NUDT3: variants seen among roughly 807,000 people sequenced by gnomAD.
NUDT3 encodes the protein diphosphoinositol polyphosphate phosphohydrolase 1.
A neutral mutation model predicts 23.6 loss-of-function variants in NUDT3; 9 were observed. The observed-to-expected ratio is 0.38, with a 90% CI of 0.23 to 0.66. The LOEUF is 0.66. NUDT3 is among the 30% of genes least tolerant of loss of function. The probability of loss-of-function intolerance (pLI) is 0.52; values close to 1 mark genes in which losing one functional copy is unlikely to be tolerated. For synonymous variants in NUDT3, 86 were observed against 82.6 expected, an observed-to-expected ratio of 1.04 and a Z score of -0.22; for missense variants, 172 against 218.5, an observed-to-expected ratio of 0.79 and a Z score of 1.34.
At chr6:34,356,150 A>T (rs1035217534) in intron 1 of NUDT3, among the ~76,000 whole-genome samples, 1 of 152,184 alleles carries the variant, frequency 6.6e-6, no homozygotes, top group African/African-American at 2.4e-5. Context: ...GGCCCTGGAA[A>T]GAAAGGATAA....
chr6:34,337,649 G>A (rs1476198961), intron 2 of NUDT3, among the ~76,000 whole-genome samples: 1 of 152,066 alleles, frequency 6.6e-6, no homozygotes, highest in Admixed American at 6.5e-5. Context: ...ATAACCCAGG[G>A]ACAACTCAAC....
At chr6:34,308,713 A>T (rs1340774314) in intron 2 of NUDT3, among the ~76,000 whole-genome samples, 1 of 152,198 alleles carries the variant, frequency 6.6e-6, no homozygotes. Context: ...AACATTACAC[A>T]ATGATAAAGG....
At chr6:34,295,605 ACATAT>A (rs1581848468) in intron 3 of NUDT3, 31 bp downstream of exon 3, 2 of 1,609,796 alleles carry the variant, frequency 1.2e-6, no homozygotes, top group Non-Finnish European at 1.7e-6. Flanking sequence ...GGTTATTAAT[ACATAT>A]CATTTGTACC....
Position 34,279,716 on chromosome 6 carries a change from A to G in NUDT3, c.*9037T>C, listed in dbSNP as rs1162414257. ...ACTGGTTTTTATTGGTTGGCACAAG[A>G]TTACAACCTACAATTTCAATGCCCT... On this transcript the variant is annotated 3_prime_UTR_variant, in exon 5 of 5. Coordinates refer to ENST00000607016, the MANE Select transcript of NUDT3 (RefSeq NM_006703.4). 1 of 152,246 alleles carries G rather than the reference A, an allele frequency of 6.6e-6. No individual in the cohort carries two copies. Among genetic ancestry groups the G allele is most frequent in the Non-Finnish European group, 1.5e-5 (1 of 68,052 alleles). 9.4% of individuals were successfully genotyped at this position (152,246 alleles called of 1,614,324 possible). A position where few individuals can be genotyped will look rare whatever the true frequency, so the allele number is the denominator to read the frequency against.
chr6:34,389,963 CA>C (rs112723844), intron 1 of NUDT3, among the ~76,000 whole-genome samples: 28,499 of 128,094 alleles, frequency 0.22, 4,215 homozygotes, highest in East Asian at 0.45. Context: ...GACTCTGTCT[CA>C]AAAAAAAAAA....
At chr6:34,315,404 C>T (rs116688380) in intron 2 of NUDT3, among the ~76,000 whole-genome samples, 3 of 152,312 alleles carry the variant, frequency 2.0e-5, no homozygotes, top group Admixed American at 6.5e-5. Flanking sequence ...CAGAGATGAA[C>T]GGTTTATTTG....
intron 2 of NUDT3, among the ~76,000 whole-genome samples, chr6:34,328,454 CAT>C (rs1369526203): frequency 6.6e-6 from 1 of 152,128 alleles, no homozygotes; most frequent in Non-Finnish European, 1.5e-5. Flanking sequence ...AAAAATAATA[CAT>C]GTTCCTAGTA....
chr6:34,352,016 G>A (rs1001656493), intron 1 of NUDT3, among the ~76,000 whole-genome samples: 3 of 151,766 alleles, frequency 2.0e-5, no homozygotes, highest in African/African-American at 7.3e-5. Flanking sequence ...GCAACATGGC[G>A]AGGTCCTGTC....
At chr6:34,295,615 T>C (rs1472341181) in intron 3 of NUDT3, 26 bp downstream of exon 3, 1 of 1,613,020 alleles carries the variant, frequency 6.2e-7, no homozygotes, top group Non-Finnish European at 8.5e-7. Context: ...ACATATCATT[T>C]GTACCAAAGA....
intron 2 of NUDT3, among the ~76,000 whole-genome samples, chr6:34,333,878 C>T (rs550524829): frequency 2.0e-5 from 3 of 152,352 alleles, no homozygotes; most frequent in African/African-American, 7.2e-5. Context: ...CTAGGCAAAA[C>T]CAATCAGGTC....
At chr6:34,362,251 C>T (rs984523064) in intron 1 of NUDT3, among the ~76,000 whole-genome samples, 3 of 152,188 alleles carry the variant, frequency 2.0e-5, no homozygotes, top group Non-Finnish European at 2.9e-5. Context: ...TGCTCTGTAC[C>T]TCAGGCTAGA....
chr6:34,300,883 T>G (rs949743340), intron 2 of NUDT3, among the ~76,000 whole-genome samples: 2 of 152,234 alleles, frequency 1.3e-5, no homozygotes, highest in Non-Finnish European at 2.9e-5. Context: ...AAGAGACAAC[T>G]ACTCACCTGA....
chr6:34,329,220 A>C (rs1357725379), intron 2 of NUDT3, among the ~76,000 whole-genome samples: 2 of 152,238 alleles, frequency 1.3e-5, no homozygotes, highest in Non-Finnish European at 2.9e-5. Flanking sequence ...AGAGATATAC[A>C]TAAAAATACA....
At chr6:34,343,508 T>C (rs1764319791) in intron 1 of NUDT3, among the ~76,000 whole-genome samples, 1 of 151,066 alleles carries the variant, frequency 6.6e-6, no homozygotes, top group East Asian at 1.9e-4. Flanking sequence ...GCCACTGTAT[T>C]CCAGCCTAGG....
chr6:34,305,053 G>T (rs1337440545), intron 2 of NUDT3, among the ~76,000 whole-genome samples: 3 of 146,782 alleles, frequency 2.0e-5, no homozygotes, highest in African/African-American at 7.6e-5. Flanking sequence ...CGTGATACTG[G>T]CTCACTGCAA....
chr6:34,365,848 C>T (rs568105605), intron 1 of NUDT3, among the ~76,000 whole-genome samples: 83 of 152,202 alleles, frequency 5.5e-4, no homozygotes, highest in African/African-American at 1.8e-3. Context: ...TCAAGACTGG[C>T]CTGGCCAACA....
At position 34,287,450 on chromosome 6, in the gene NUDT3, T is replaced by C. The variant is rs1399177169; in HGVS notation, c.*1303A>G. The C allele has an allele frequency of 6.6e-6, 1 of 152,224 alleles. No homozygotes were observed. The highest frequency in any genetic ancestry group is 2.4e-5 in the African/African-American group (1 of 41,466). 9.4% of individuals were successfully genotyped at this position (152,224 alleles called of 1,614,324 possible). The stretch of plus-strand genomic sequence containing the variant: ...GAGTCTGCAGTGAGCCAGTGTATTA[T>C]GTAACCACTGTAATAAGTGATTACG... On this transcript the variant is annotated 3_prime_UTR_variant, in exon 5 of 5. Transcript: ENST00000607016.
rs1009827671 is a variant in NUDT3 at position 34,279,821 on chromosome 6, T to C, written c.*8932A>G. 3 of 152,214 alleles carry C rather than the reference T, an allele frequency of 2.0e-5. No individual in the cohort carries two copies. Among genetic ancestry groups the C allele is most frequent in the African/African-American group, 7.2e-5 (3 of 41,436 alleles). The allele number at this position is 152,214 out of a possible 1,614,324, so 9.4% of individuals were successfully genotyped here. On this transcript the variant is annotated 3_prime_UTR_variant, in exon 5 of 5. Transcript: ENST00000607016. ...GCAGGCTCACAGGTTTAAGCATTTGTTTTTACAAAAAGGAGTGGGATATGG... is the reference window on the plus strand; with the variant it reads ...GCAGGCTCACAGGTTTAAGCATTTGCTTTTACAAAAAGGAGTGGGATATGG...
intron 1 of NUDT3, among the ~76,000 whole-genome samples, chr6:34,354,776 A>AT (rs1379706025): frequency 3.6e-5 from 5 of 138,838 alleles, no homozygotes; most frequent in African/African-American, 1.0e-4. Flanking sequence ...ATTTGTATTT[A>AT]TTTTATATTT....
Sources: allele counts gnomAD v4.1 joint callset (sites outside exome capture counted in the v4.1 genomes callset), GRCh38; gene constraint gnomAD v4.1.1; transcripts MANE v1.5; gene names NCBI Gene and HGNC (gene_info 2026-07-23, HGNC 2026-07-21).